DMRT1: variants seen among roughly 807,000 people sequenced by gnomAD.
DMRT1 encodes the protein doublesex- and mab-3-related transcription factor 1.
A neutral mutation model predicts 32.3 loss-of-function variants in DMRT1; 7 were observed. The ratio of observed to expected loss-of-function variants is 0.22; its 90% CI spans 0.12 to 0.41. The LOEUF (loss-of-function observed/expected upper bound fraction) is 0.41, where lower values mean the gene tolerates loss of function less well. Ranked by LOEUF, DMRT1 falls within the 10% of genes least tolerant of loss-of-function variation. The probability of loss-of-function intolerance (pLI) is 1.00; values close to 1 mark genes in which losing one functional copy is unlikely to be tolerated. For synonymous variants in DMRT1, 278 were observed against 206.1 expected, an observed-to-expected ratio of 1.35 and a Z score of -2.99; for missense variants, 625 against 500.5, an observed-to-expected ratio of 1.25 and a Z score of -2.37.
At chr9:865,892 G>A (rs7860021) in intron 2 of DMRT1, among the ~76,000 whole-genome samples, 31 of 152,216 alleles carry the variant, frequency 2.0e-4, no homozygotes, top group African/African-American at 7.5e-4. Flanking sequence ...GGCAGCGCAC[G>A]GTGGCTCACA....
Position 917,519 on chromosome 9 carries a change from A to C in DMRT1, c.967+612A>C, listed in dbSNP as rs149123308. Among the ~76,000 whole-genome samples, 138 of 152,344 alleles carry C rather than the reference A, an allele frequency of 9.1e-4. 1 individual carries two copies. Among genetic ancestry groups the C allele is most frequent in the African/African-American group, 3.2e-3 (135 of 41,576 alleles). ...ACTGTGGTGAGAGGCAGGTCTTTAC[A>C]GCTGCTGCGTTTCCAGATCCCGTGT... is the stretch of plus-strand genomic sequence containing the variant. On this transcript the variant is annotated intron_variant, in intron 4 of 4. Coordinates refer to ENST00000382276, the MANE Select transcript of DMRT1 (RefSeq NM_021951.3).
intron 4 of DMRT1, among the ~76,000 whole-genome samples, chr9:945,757 C>G (rs1819221749): frequency 8.0e-6 from 1 of 124,584 alleles, no homozygotes; most frequent in Non-Finnish European, 1.6e-5. Flanking sequence ...TTTTTTTTTG[C>G]CAGTTGTAAT....
chr9:937,342 G>T (rs143719351), intron 4 of DMRT1, among the ~76,000 whole-genome samples: 1 of 152,206 alleles, frequency 6.6e-6, no homozygotes, highest in African/African-American at 2.4e-5. Flanking sequence ...CCTGCTTTCA[G>T]TTCTTCTGGA....
intron 2 of DMRT1, among the ~76,000 whole-genome samples, chr9:856,610 T>C (rs1166518754): frequency 6.6e-6 from 1 of 152,256 alleles, no homozygotes; most frequent in African/African-American, 2.4e-5. Context: ...ATCATATGGA[T>C]ATATACCACA....
intron 4 of DMRT1, among the ~76,000 whole-genome samples, chr9:930,300 CCTTGGCTCAAGTCATCTGAA>C (rs1818668766): frequency 7.2e-6 from 1 of 138,936 alleles, no homozygotes; most frequent in Admixed American, 6.9e-5. Flanking sequence ...GCCTTGAACT[CCTTGGCTCAAGTCATCTGAA>C]TTCCTTGGCT....
intron 2 of DMRT1, among the ~76,000 whole-genome samples, chr9:881,317 C>T (rs748852741): frequency 5.3e-5 from 8 of 152,094 alleles, no homozygotes; most frequent in African/African-American, 7.2e-5. Flanking sequence ...TTGAGTTGAA[C>T]GGAAGCTATG....
chr9:865,603 A>G lies in DMRT1; in HGVS notation c.538+18460A>G, dbSNP rs184657545. Reference sequence around the variant, plus strand: ...CCCGGATATGATTTATCCTGTAGCAATAAACAAGTTTTTGCAAAAATGAAG... The same window carrying G: ...CCCGGATATGATTTATCCTGTAGCAGTAAACAAGTTTTTGCAAAAATGAAG... On this transcript the variant is annotated intron_variant, in intron 2 of 4. Coordinates refer to ENST00000382276, the MANE Select transcript of DMRT1 (RefSeq NM_021951.3). 1.6e-3 allele frequency among the ~76,000 whole-genome samples: 249 copies of G among 152,328 alleles called. 2 individuals are homozygous for G. Among genetic ancestry groups the G allele is most frequent in the African/African-American group, 5.8e-3 (242 of 41,576 alleles).
At chr9:962,149 G>A (rs1292609516) in intron 4 of DMRT1, among the ~76,000 whole-genome samples, 4 of 152,162 alleles carry the variant, frequency 2.6e-5, no homozygotes, top group Non-Finnish European at 2.9e-5. Flanking sequence ...TTTGGATTGC[G>A]TGTATCACCA....
chr9:860,240 G>A (rs1815596404), intron 2 of DMRT1, among the ~76,000 whole-genome samples: 1 of 152,092 alleles, frequency 6.6e-6, no homozygotes, highest in Admixed American at 6.6e-5. Flanking sequence ...GAGGTTGCAG[G>A]GAGCCGAGAT....
At chr9:935,652 A>G (rs989066322) in intron 4 of DMRT1, among the ~76,000 whole-genome samples, 5 of 152,232 alleles carry the variant, frequency 3.3e-5, no homozygotes, top group African/African-American at 9.7e-5. Context: ...GAGAGCCCGT[A>G]TGTTCATTTT....
intron 4 of DMRT1, among the ~76,000 whole-genome samples, chr9:943,167 T>C (rs1400246367): frequency 2.0e-5 from 3 of 152,220 alleles, no homozygotes; most frequent in Non-Finnish European, 4.4e-5. Context: ...CAACATAAAA[T>C]TGTGAAGGCA....
intron 2 of DMRT1, among the ~76,000 whole-genome samples, chr9:867,955 T>G (rs556051632): frequency 6.6e-6 from 1 of 152,264 alleles, no homozygotes; most frequent in Non-Finnish European, 1.5e-5. Context: ...TATAGTGATA[T>G]GTACAATCTC....
rs1253126565 is a variant in DMRT1, at chr9:965,406, T to G, written c.968-2579T>G. On this transcript the variant is annotated intron_variant, in intron 4 of 4. Transcript: ENST00000382276. This position sits in a 1 kb window ranked among gnomAD's most constrained non-coding sequence, Gnocchi z 4.5. ...GTGCAGTCATGCATTAAAAGTATGCTTGGAGCCCCGCTAGTCCATGCAGGT... is the reference window on the plus strand; with the variant it reads ...GTGCAGTCATGCATTAAAAGTATGCGTGGAGCCCCGCTAGTCCATGCAGGT... Among the ~76,000 whole-genome samples, 4 of 152,366 alleles carry G rather than the reference T, an allele frequency of 2.6e-5. No individual in the cohort carries two copies. The East Asian group carries it at 7.7e-4, about 29-fold the overall frequency.
intron 2 of DMRT1, among the ~76,000 whole-genome samples, chr9:875,354 G>C (rs1461033891): frequency 6.6e-6 from 1 of 152,128 alleles, no homozygotes; most frequent in African/African-American, 2.4e-5. Flanking sequence ...AGGGCTCCCA[G>C]ACCTGGGCCC....
intron 3 of DMRT1, among the ~76,000 whole-genome samples, chr9:909,205 C>A (rs1298689603): frequency 1.3e-5 from 2 of 152,092 alleles, no homozygotes; most frequent in Non-Finnish European, 2.9e-5. Context: ...TCGGGAGGGG[C>A]GGGTTTTCGC....
chr9:854,808 C>G (rs1815321686), intron 2 of DMRT1, among the ~76,000 whole-genome samples: 1 of 147,264 alleles, frequency 6.8e-6, no homozygotes, highest in African/African-American at 2.5e-5. Context: ...CTCTGTCACC[C>G]AGGCTGGAGT....
At chr9:952,911 C>G (rs968498662) in intron 4 of DMRT1, among the ~76,000 whole-genome samples, 3 of 152,082 alleles carry the variant, frequency 2.0e-5, no homozygotes, top group Non-Finnish European at 4.4e-5. Context: ...AATTTATATT[C>G]TTTTTTTGTT....
intron 3 of DMRT1, among the ~76,000 whole-genome samples, chr9:915,635 G>A (rs1818150066): frequency 6.6e-6 from 1 of 152,208 alleles, no homozygotes; most frequent in African/African-American, 2.4e-5. Flanking sequence ...AACAGACACC[G>A]ACTAACAGGA....
At chr9:882,817 G>C (rs1389454540) in intron 2 of DMRT1, among the ~76,000 whole-genome samples, 1 of 148,244 alleles carries the variant, frequency 6.7e-6, no homozygotes, top group Non-Finnish European at 1.5e-5. Flanking sequence ...TGTTGCCCAG[G>C]CTGGAGTACA....
Sources: gnomAD v4.1 joint callset for allele counts (sites outside exome capture counted in the v4.1 genomes callset) on GRCh38, gnomAD v4.1.1 for gene constraint, Gnocchi (gnomAD v3.1) non-coding constraint, MANE v1.5 for transcripts, NCBI Gene and HGNC (gene_info 2026-07-23, HGNC 2026-07-21) for gene names.